Variants in BECN1 observed in about 807,000 individuals in gnomAD.
BECN1 encodes the protein beclin 1.
BECN1 carries 15 observed loss-of-function variants against 60.1 expected under a neutral mutation model. The ratio of observed to expected loss-of-function variants is 0.25; its 90% CI spans 0.17 to 0.38. The LOEUF (loss-of-function observed/expected upper bound fraction) is 0.38, where lower values mean the gene tolerates loss of function less well. BECN1 is among the 10% of genes least tolerant of loss of function. The pLI is 1.00. For missense variants in BECN1, 424 were observed against 548.2 expected, an observed-to-expected ratio of 0.77 and a Z score of 2.26; for synonymous variants, 179 against 201.8, an observed-to-expected ratio of 0.89 and a Z score of 0.96.
At position 42,814,374 on chromosome 17, in the gene BECN1, G is replaced by C; in HGVS notation, c.980+150C>G. ...CAGTGGAGAGAGCCCTGTGATGAGG[G>C]GAAAATCAGATGCTGACAGCTCTTC... On this transcript the variant is annotated intron_variant, in intron 9 of 11. Coordinates refer to ENST00000590099, the MANE Select transcript of BECN1 (RefSeq NM_001313998.2). The C allele has an allele frequency of 7.6e-6, 8 of 1,052,434 alleles. No individual in the cohort carries two copies. In the Admixed American group the frequency reaches 9.6e-5, roughly 13 times the overall value. The allele number at this position is 1,052,434 out of a possible 1,614,324, so 65.2% of individuals were successfully genotyped here.
chr17:42,819,088 C>T (rs2055207197), intron 4 of BECN1: 2 of 576,454 alleles, frequency 3.5e-6, no homozygotes, highest in Non-Finnish European at 6.1e-6. Flanking sequence ...GAAGGTTGGC[C>T]TTGGTGGACT....
intron 10 of BECN1, chr17:42,812,344 A>G (rs1437713161): frequency 2.7e-5 from 4 of 150,028 alleles, no homozygotes; most frequent in Non-Finnish European, 3.0e-5. Context: ...AGATCATGCC[A>G]TTGCACTTCA....
At position 42,811,015 on chromosome 17, in the gene BECN1, C is replaced by T. The variant is rs555658924; in HGVS notation, c.1185-87G>A. The T allele has an allele frequency of 2.5e-5, 33 of 1,324,506 alleles. No individual in the cohort carries two copies. In the African/African-American group the frequency reaches 3.2e-4, roughly 13 times the overall value. 82.0% of individuals were successfully genotyped at this position (1,324,506 alleles called of 1,614,324 possible). On this transcript the variant is annotated intron_variant, in intron 11 of 11. Coordinates refer to ENST00000590099, the MANE Select transcript of BECN1 (RefSeq NM_001313998.2). ...AGGGACTTGATCATGGGACCATTCA[C>T]GTCATTTTATCTATTAAAGAACACT...
chr17:42,817,521 T>C (rs1323170767), intron 7 of BECN1, among the ~76,000 whole-genome samples: 1 of 152,144 alleles, frequency 6.6e-6, no homozygotes, highest in African/African-American at 2.4e-5. Flanking sequence ...GAGAGAGGGT[T>C]CTCTCAGGTC....
intron 2 of BECN1, among the ~76,000 whole-genome samples, chr17:42,821,455 A>G (rs77589298): frequency 0.022 from 3,345 of 152,326 alleles, 118 homozygotes; most frequent in African/African-American, 0.076. Flanking sequence ...GTGGGAAGGA[A>G]TGGATGGGGC....
intron 10 of BECN1, 121 bp downstream of exon 10, chr17:42,813,827 A>T: frequency 2.9e-6 from 2 of 684,810 alleles, no homozygotes; most frequent in African/African-American, 1.8e-5. Flanking sequence ...TGAACAATAT[A>T]CTGGCTCTTC....
intron 4 of BECN1, 24 bp from the exon 5 acceptor site, chr17:42,818,901 G>A: frequency 6.2e-7 from 1 of 1,612,594 alleles, no homozygotes; most frequent in Non-Finnish European, 8.5e-7. Context: ...CCCGCCCACG[G>A]GCCACATGAG....
chr17:42,812,742 A>G (rs2055049030), intron 10 of BECN1: 1 of 151,638 alleles, frequency 6.6e-6, no homozygotes. Flanking sequence ...ATAAATAAAA[A>G]TAATAAAAAA....
intron 6 of BECN1, 50 bp from the exon 7 acceptor site, chr17:42,818,465 G>A: frequency 6.2e-7 from 1 of 1,612,094 alleles, no homozygotes; most frequent in Non-Finnish European, 8.5e-7. Flanking sequence ...ATTTGCCTGA[G>A]TGGAGTACGG....
In BECN1 at chr17:42,818,649, C is replaced by A. The variant is rs753640543; in HGVS notation, c.383G>T (p.Gly128Val). ...VTGDLFDIMS[G>V]QTDVDHPLCE... Reference sequence around the variant, plus strand: ...GAGTGGGTGATCCACATCTGTCTGGCCCGACATGATGTCAAAAAGGTCCCC... The same window carrying A: ...GAGTGGGTGATCCACATCTGTCTGGACCGACATGATGTCAAAAAGGTCCCC... Residue 128 changes from glycine (G) to valine (V), a missense_variant, in exon 6 of 12, where the codon GGC (glycine) becomes GTC (valine). By Grantham distance (109) the Gly-to-Val change is moderately radical. Coordinates refer to ENST00000590099, the MANE Select transcript of BECN1 (RefSeq NM_001313998.2). 3 of 1,614,054 alleles carry A rather than the reference C, an allele frequency of 1.9e-6. No individual in the cohort carries two copies. Among genetic ancestry groups the A allele is most frequent in the Admixed American group, 3.3e-5 (2 of 60,002 alleles).
chr17:42,819,269 C>A, intron 4 of BECN1: 1 of 483,566 alleles, frequency 2.1e-6, no homozygotes, highest in South Asian at 3.7e-5. Flanking sequence ...TGAAACTTCT[C>A]AAGAGCCCAT....
chr17:42,819,220 AG>A, intron 4 of BECN1: 1 of 464,140 alleles, frequency 2.2e-6, no homozygotes, highest in Non-Finnish European at 3.8e-6. Context: ...TGCAGCAATG[AG>A]AACTAAGGAC....
intron 8 of BECN1, 91 bp from the exon 9 acceptor site, chr17:42,814,764 C>T (rs758717306): frequency 6.7e-7 from 1 of 1,503,686 alleles, no homozygotes; most frequent in Non-Finnish European, 9.1e-7. Context: ...TAGCTTAAAT[C>T]TATCTTCAAG....
rs528718045 is a variant in BECN1, at chr17:42,811,305, T to C, written c.1184+350A>G. 9.6e-5 allele frequency: 27 copies of C among 280,182 alleles called. No homozygotes were observed. The South Asian group carries it at 1.3e-3, about 13-fold the overall frequency. The allele number at this position is 280,182 out of a possible 1,614,324, so 17.4% of individuals were successfully genotyped here. On this transcript the variant is annotated intron_variant, in intron 11 of 11. Transcript: ENST00000590099. The stretch of plus-strand genomic sequence containing the variant: ...AAGCAGCCTTACTCTAAGTAAAAAC[T>C]AGAGTTTCCATCCATCAATGGGATC...
chr17:42,822,559 T>G (rs968479514), intron 2 of BECN1, among the ~76,000 whole-genome samples: 6 of 152,238 alleles, frequency 3.9e-5, no homozygotes, highest in African/African-American at 9.6e-5. Flanking sequence ...TGCGGGATTT[T>G]GGGGTTTTTT....
At chr17:42,822,277 T>C (rs571944152) in intron 2 of BECN1, among the ~76,000 whole-genome samples, 1 of 152,378 alleles carries the variant, frequency 6.6e-6, no homozygotes, top group Non-Finnish European at 1.5e-5. Context: ...CTAATACTTA[T>C]TGAATACTAT....
At chr17:42,814,046 C>T (rs1410677693) in intron 9 of BECN1, 38 bp from the exon 10 acceptor site, 1 of 1,412,244 alleles carries the variant, frequency 7.1e-7, no homozygotes, top group Non-Finnish European at 9.8e-7. Flanking sequence ...ATACAGGACT[C>T]CTCCCAAAGT....
At chr17:42,818,922 G>A (rs1172456170) in intron 4 of BECN1, 45 bp from the exon 5 acceptor site, 2 of 1,600,130 alleles carry the variant, frequency 1.2e-6, no homozygotes, top group African/African-American at 2.7e-5. Context: ...GGAACAGAGA[G>A]GCTTCCTCCA....
In BECN1 at chr17:42,818,226, T is replaced by C. The variant is rs374036889; in HGVS notation, c.678A>G (p.Glu226=). Residue 226 remains glutamate (E), a synonymous_variant, in exon 7 of 12, where the codon GAA becomes GAG. Transcript: ENST00000590099. ...QAEAERLDQE[E]AQYQREYSEF... Reference sequence around the variant, plus strand: ...AGAACAGGGTGAGCACTCACTGAGCTTCCTCCTGATCCAGTCTCTCAGCCT... The same window carrying C: ...AGAACAGGGTGAGCACTCACTGAGCCTCCTCCTGATCCAGTCTCTCAGCCT... 11 of 1,613,926 alleles carry C rather than the reference T, an allele frequency of 6.8e-6. No individual in the cohort carries two copies. The highest frequency in any genetic ancestry group is 9.3e-6 in the Non-Finnish European group (11 of 1,179,960).
Sources: gnomAD v4.1 joint callset for allele counts (sites outside exome capture counted in the v4.1 genomes callset) on GRCh38, gnomAD v4.1.1 for gene constraint, MANE v1.5 for transcripts, NCBI Gene and HGNC (gene_info 2026-07-23, HGNC 2026-07-21) for gene names.